The following FDFT1 variants were observed in gnomAD, a reference collection of about 807,000 sequenced individuals.
The protein encoded by FDFT1 is farnesyl-diphosphate farnesyltransferase 1, also known as squalene synthase.
FDFT1 carries 68 observed loss-of-function variants against 46.8 expected under a neutral mutation model. The observed-to-expected ratio is 1.45, with a 90% CI of 1.19 to 1.78. The LOEUF is 1.78. FDFT1 is among the 40% of genes most tolerant of loss of function. The pLI is 0.00. For synonymous variants in FDFT1, 351 were observed against 185.1 expected, an observed-to-expected ratio of 1.90 and a Z score of -7.28; for missense variants, 928 against 524.4, an observed-to-expected ratio of 1.77 and a Z score of -7.52.
chr8:11,823,596 A>C (rs1350432055), intron 4 of FDFT1, among the ~76,000 whole-genome samples: 1 of 151,044 alleles, frequency 6.6e-6, no homozygotes, highest in African/African-American at 2.4e-5. Context: ...TTTTTTTGAG[A>C]CAGGGTCTCA....
chr8:11,808,781 T>G lies in FDFT1; in HGVS notation c.100-13T>G. On this transcript the variant is annotated splice_polypyrimidine_tract_variant and intron_variant, in intron 1 of 7. Transcript: ENST00000220584. The stretch of plus-strand genomic sequence containing the variant: ...CGACGTCTCCCACCGCCGTGTGTGT[T>G]GTCTGCCCGCAGGACTCGCTCAGCA... 7 of 1,611,962 alleles carry G rather than the reference T, an allele frequency of 4.3e-6. No homozygotes were observed. The highest frequency in any genetic ancestry group is 5.9e-6 in the Non-Finnish European group (7 of 1,179,390).
At chr8:11,805,528 A>G (rs1329968384) in intron 1 of FDFT1, among the ~76,000 whole-genome samples, 1 of 152,212 alleles carries the variant, frequency 6.6e-6, no homozygotes, top group Non-Finnish European at 1.5e-5. Flanking sequence ...TGACGCTATT[A>G]AGTTAGGTGA....
upstream of FDFT1, among the ~76,000 whole-genome samples, chr8:11,799,509 G>C (rs1308546363): frequency 6.6e-6 from 1 of 152,228 alleles, no homozygotes; most frequent in Admixed American, 6.5e-5. Context: ...TTGCCACAGA[G>C]TCTGTTCCGT....
At chr8:11,838,247 AGT>A (rs1489340193) in intron 7 of FDFT1, 139 bp from the exon 8 acceptor site, 1 of 675,724 alleles carries the variant, frequency 1.5e-6, no homozygotes, top group African/African-American at 1.8e-5. Flanking sequence ...GCTTTGGGTA[AGT>A]TATGTTCATG....
At chr8:11,818,787 C>T (rs1441279138) in intron 3 of FDFT1, among the ~76,000 whole-genome samples, 3 of 152,100 alleles carry the variant, frequency 2.0e-5, no homozygotes, top group South Asian at 2.1e-4. Flanking sequence ...AGCACAGTGA[C>T]GGGCCTTGAC....
chr8:11,797,221 C>T (rs141509817), intron 1 of FDFT1, among the ~76,000 whole-genome samples: 1 of 152,240 alleles, frequency 6.6e-6, no homozygotes. Context: ...CCTCTGGAGT[C>T]GAATCTCGCC....
chr8:11,800,281 A>C (rs1805983924), upstream of FDFT1, among the ~76,000 whole-genome samples: 1 of 148,602 alleles, frequency 6.7e-6, no homozygotes, highest in African/African-American at 2.5e-5. Flanking sequence ...AAAAAAAAAA[A>C]AAAAAAAAAA....
chr8:11,830,466 G>T, intron 6 of FDFT1, 46 bp downstream of exon 6: 2 of 1,390,246 alleles, frequency 1.4e-6, no homozygotes, highest in Admixed American at 1.7e-5. Flanking sequence ...TAAAGGGAGT[G>T]GGGTAGGAGT....
At chr8:11,799,673 A>T (rs2645436), upstream of FDFT1, among the ~76,000 whole-genome samples, 2 of 152,366 alleles carry the variant, frequency 1.3e-5, no homozygotes, top group South Asian at 2.1e-4. Context: ...GTAGGCTGGG[A>T]GCCGTGGCTC....
At chr8:11,810,157 T>G (rs1397845455) in intron 3 of FDFT1, among the ~76,000 whole-genome samples, 2 of 152,168 alleles carry the variant, frequency 1.3e-5, no homozygotes. Context: ...AGAATTAACG[T>G]AGGTAATGCT....
intron 1 of FDFT1, among the ~76,000 whole-genome samples, chr8:11,796,401 A>C (rs1805573378): frequency 6.6e-6 from 1 of 152,232 alleles, no homozygotes; most frequent in Non-Finnish European, 1.5e-5. Flanking sequence ...TAGAATACAG[A>C]AAGTTCAGGT....
At chr8:11,805,444 C>A (rs1344455964) in intron 1 of FDFT1, among the ~76,000 whole-genome samples, 3 of 152,208 alleles carry the variant, frequency 2.0e-5, no homozygotes, top group Non-Finnish European at 4.4e-5. Flanking sequence ...AGTAATCAGG[C>A]AGATCTGGCT....
chr8:11,836,265 CAGGTCATTTACAAGAGTAGTGTGTGAGA>C (rs1446452305), intron 7 of FDFT1, among the ~76,000 whole-genome samples: 1 of 152,168 alleles, frequency 6.6e-6, no homozygotes, highest in African/African-American at 2.4e-5. Context: ...TCAGGGCACT[CAGGTCATTTACAAGAGTAGTGTGTGAGA>C]CCCTGTGTGT....
At chr8:11,802,097 A>G (rs1473468848), upstream of FDFT1, 1 of 454,906 alleles carries the variant, frequency 2.2e-6, no homozygotes, top group Non-Finnish European at 4.4e-6. Flanking sequence ...ACTAAGCTGG[A>G]TCTCAAGTAA....
At chr8:11,811,221 C>T (rs1447073293) in intron 3 of FDFT1, among the ~76,000 whole-genome samples, 3 of 152,124 alleles carry the variant, frequency 2.0e-5, no homozygotes, top group African/African-American at 7.2e-5. Flanking sequence ...GGATGGGTTT[C>T]CTTTGATGGG....
Position 11,824,541 on chromosome 8 carries a change from C to T in FDFT1, c.511-1483C>T, listed in dbSNP as rs535358638. 1.2e-3 allele frequency among the ~76,000 whole-genome samples: 187 copies of T among 152,294 alleles called. 1 individual carries two copies. The highest frequency in any genetic ancestry group is 4.2e-3 in the African/African-American group (176 of 41,550). On this transcript the variant is annotated intron_variant, in intron 4 of 7. Coordinates refer to ENST00000220584, the MANE Select transcript of FDFT1 (RefSeq NM_004462.5). ...TTCCTGGGTTCAAGCGAGCCTCCTACTTCAGCCCCCTGAGTAACTGGGACC... is the reference window on the plus strand; with the variant it reads ...TTCCTGGGTTCAAGCGAGCCTCCTATTTCAGCCCCCTGAGTAACTGGGACC...
At chr8:11,811,135 A>G (rs1316287834) in intron 3 of FDFT1, among the ~76,000 whole-genome samples, 2 of 152,176 alleles carry the variant, frequency 1.3e-5, no homozygotes, top group African/African-American at 2.4e-5. Context: ...TATGACGACT[A>G]GCTGGGTGAG....
intron 4 of FDFT1, among the ~76,000 whole-genome samples, chr8:11,822,877 C>T (rs187605435): frequency 1.3e-5 from 2 of 152,270 alleles, no homozygotes; most frequent in Admixed American, 1.3e-4. Context: ...ATGATAGTAA[C>T]TCATTTTCTG....
Position 11,834,122 on chromosome 8 carries a change from C to G in FDFT1, c.1032+2452C>G, listed in dbSNP as rs191154144. On this transcript the variant is annotated intron_variant, in intron 7 of 7. Coordinates refer to ENST00000220584, the MANE Select transcript of FDFT1 (RefSeq NM_004462.5). ...GTAGTAAGAAAGGAAGAAACGTTGACTCTGTCCGATCTCTGGACTTAGTGT... is the reference window on the plus strand; with the variant it reads ...GTAGTAAGAAAGGAAGAAACGTTGAGTCTGTCCGATCTCTGGACTTAGTGT... Among the ~76,000 whole-genome samples the G allele has an allele frequency of 3.9e-5, 6 of 152,358 alleles. No homozygotes were observed. In the East Asian group the frequency reaches 9.6e-4, roughly 24 times the overall value.
Sources: gnomAD v4.1 joint callset for allele counts (sites outside exome capture counted in the v4.1 genomes callset) on GRCh38, gnomAD v4.1.1 for gene constraint, MANE v1.5 for transcripts, NCBI Gene and HGNC (gene_info 2026-07-23, HGNC 2026-07-21) for gene names.